The following ZNF514 variants were observed in gnomAD, a reference collection of about 807,000 sequenced individuals.
The protein encoded by ZNF514 is zinc finger protein 514.
Under a neutral mutation model 9.7 loss-of-function variants are expected in ZNF514, and 12 were observed. That is an observed-to-expected ratio of 1.24 (90% CI 0.79 to 2.01). The LOEUF (loss-of-function observed/expected upper bound fraction) is 2.01, where lower values mean the gene tolerates loss of function less well. ZNF514 is among the 30% of genes most tolerant of loss of function. The pLI, the probability that ZNF514 is intolerant of heterozygous loss-of-function variation, is 0.00. For missense variants in ZNF514, 467 were observed against 465.5 expected (o/e 1.00, Z -0.03); for synonymous variants, 158 against 163.7 (o/e 0.97, Z 0.27).
At chr2:95,156,381 G>A (rs575666375) in intron 2 of ZNF514, among the ~76,000 whole-genome samples, 11 of 152,204 alleles carry the variant, frequency 7.2e-5, no homozygotes, top group South Asian at 2.1e-4. Flanking sequence ...AACTGCCAGC[G>A]GACTCTAACA....
At chr2:95,152,851 T>C in intron 3 of ZNF514, 82 bp from the exon 4 acceptor site, 4 of 1,305,816 alleles carry the variant, frequency 3.1e-6, no homozygotes, top group Non-Finnish European at 3.3e-6. Flanking sequence ...GGTGGAGAAA[T>C]ACTGTAGGCA....
Position 95,149,734 on chromosome 2 carries a change from G to C in ZNF514, c.751C>G (p.Gln251Glu), listed in dbSNP as rs368403844. The change falls in exon 5 of 5, where the codon CAA becomes GAA. Residue 251 changes from glutamine (Q) to glutamate (E), a missense_variant. Physicochemically the swap from Gln to Glu is conservative, Grantham distance 29. Coordinates refer to ENST00000295208, the MANE Select transcript of ZNF514 (RefSeq NM_032788.3). ...GGCTTTTCTCCAGTATGAGTTCTTTGATGTTTAATAAGGGATGAAATATGA... is the reference window on the plus strand; with the variant it reads ...GGCTTTTCTCCAGTATGAGTTCTTTCATGTTTAATAAGGGATGAAATATGA... The part of the protein sequence containing the change: ...FGHISSLIKH[Q>E]RTHTGEKPYE... 2 of 1,614,098 alleles carry C rather than the reference G, an allele frequency of 1.2e-6. No individual in the cohort carries two copies. Among genetic ancestry groups the C allele is most frequent in the African/African-American group, 2.7e-5 (2 of 74,928 alleles).
At chr2:95,151,793 T>C (rs1673552608) in intron 4 of ZNF514, among the ~76,000 whole-genome samples, 1 of 152,198 alleles carries the variant, frequency 6.6e-6, no homozygotes, top group South Asian at 2.1e-4. Flanking sequence ...GCCATGCTCA[T>C]ATACCACTGT....
At chr2:95,140,779 A>AGGT (rs1676815518), downstream of ZNF514, among the ~76,000 whole-genome samples, 2 of 151,990 alleles carry the variant, frequency 1.3e-5, no homozygotes, top group Non-Finnish European at 2.9e-5. Context: ...TTAAGAGACC[A>AGGT]GCCTGGCCAA....
rs1237399159 is a variant in ZNF514, at chr2:95,153,222, C to T, written c.32G>A (p.Ser11Asn). 5 of 1,613,954 alleles carry T rather than the reference C, an allele frequency of 3.1e-6. No homozygotes were observed. In the African/African-American group the frequency reaches 6.7e-5, roughly 22 times the overall value. Residue 11 changes from serine to asparagine, a missense_variant, in exon 3 of 5, where the codon AGC (serine) becomes AAC (asparagine). By Grantham distance (46) the Ser-to-Asn change is conservative. Transcript: ENST00000295208. Reference sequence around the variant, plus strand: ...GTTCAGCTGCCCCCACTCCCACTGGCTGAATTCCACAGCCACATCTTCAAA... The same window carrying T: ...GTTCAGCTGCCCCCACTCCCACTGGTTGAATTCCACAGCCACATCTTCAAA... MTFEDVAVEF[S>N]QWEWGQLNPA...
the ZNF514 span, among the ~76,000 whole-genome samples, chr2:95,139,340 C>T: frequency 3.7e-4 from 57 of 152,232 alleles, no homozygotes; most frequent in Non-Finnish European, 7.2e-4. Flanking sequence ...CCACCAGCAG[C>T]TTGCAATCTC....
At chr2:95,133,489 G>C in the ZNF514 span, among the ~76,000 whole-genome samples, 1 of 152,168 alleles carries the variant, frequency 6.6e-6, no homozygotes, top group African/African-American at 2.4e-5. Context: ...AAGTGGTGTG[G>C]CTATTCAAGG....
Position 95,149,318 on chromosome 2 carries a change from T to C in ZNF514, c.1167A>G (p.Lys389=). 1 of 1,594,662 alleles carries C rather than the reference T, an allele frequency of 6.3e-7. No individual in the cohort carries two copies. The highest frequency in any genetic ancestry group is 1.3e-5 in the African/African-American group (1 of 74,088). ...TTTTTCCAGCATGACTTCTCTGATG[T>C]TTAATAAGGGATGCAGTATGAGCAA... ...RAFAHTASLI[K]HQRSHAGKKT... The change falls in exon 5 of 5, where the codon AAA becomes AAG. Residue 389 remains lysine (K), a synonymous_variant. Coordinates refer to ENST00000295208, the MANE Select transcript of ZNF514 (RefSeq NM_032788.3).
rs1015459895 is a variant in ZNF514 at position 95,149,806 on chromosome 2, T to G, written c.679A>C (p.Thr227Pro). 1.2e-6 allele frequency: 2 copies of G among 1,614,128 alleles called. No individual in the cohort carries two copies. The highest frequency in any genetic ancestry group is 2.7e-5 in the African/African-American group (2 of 74,946). Residue 227 changes from threonine (T) to proline (P), a missense_variant, in exon 5 of 5, where the codon ACT becomes CCT. Physicochemically the swap from Thr to Pro is conservative, Grantham distance 38. Transcript: ENST00000295208. ...CTGCATTCATACGGCTTTTCTCCAG[T>G]GTGACATCGCTGATGGCGCCTAAGT... ...SELRRHQRCH[T>P]GEKPYECSDC...
chr2:95,135,846 T>C, the ZNF514 span, among the ~76,000 whole-genome samples: 1 of 151,682 alleles, frequency 6.6e-6, no homozygotes, highest in African/African-American at 2.4e-5. Flanking sequence ...CTGAGGCAGG[T>C]GGATCACAAG....
chr2:95,135,413 CTTTCTTTTTT>C, the ZNF514 span, among the ~76,000 whole-genome samples: 2 of 147,762 alleles, frequency 1.4e-5, no homozygotes, highest in Admixed American at 6.7e-5. Context: ...TTCCTTCGTT[CTTTCTTTTTT>C]TTTTTTTCTC....
intron 3 of ZNF514, 56 bp from the exon 4 acceptor site, chr2:95,152,825 G>T: frequency 6.9e-7 from 1 of 1,455,160 alleles, no homozygotes; most frequent in South Asian, 1.1e-5. Context: ...CCAAGTCTTT[G>T]GATATTCATC....
the ZNF514 span, among the ~76,000 whole-genome samples, chr2:95,135,817 A>G: frequency 6.6e-6 from 1 of 151,980 alleles, no homozygotes; most frequent in African/African-American, 2.4e-5. Context: ...CATGCCTGTA[A>G]TCCCAGCACT....
the ZNF514 span, among the ~76,000 whole-genome samples, chr2:95,126,551 C>T: frequency 6.6e-6 from 1 of 151,838 alleles, no homozygotes; most frequent in Non-Finnish European, 1.5e-5. Flanking sequence ...TTTTTAGCTG[C>T]TCTCATAGGT....
chr2:95,131,378 G>A, the ZNF514 span, among the ~76,000 whole-genome samples: 6 of 152,238 alleles, frequency 3.9e-5, no homozygotes, highest in East Asian at 3.9e-4. Flanking sequence ...CAAACAAACC[G>A]GTACCTCCTC....
intron 2 of ZNF514, among the ~76,000 whole-genome samples, chr2:95,156,633 T>C (rs189019834): frequency 1.4e-3 from 213 of 152,324 alleles, no homozygotes; most frequent in African/African-American, 4.8e-3. Context: ...AGAGAATAGT[T>C]CCTGATACAG....
In ZNF514 at chr2:95,149,624, G is replaced by A. The variant is rs777796139; in HGVS notation, c.861C>T (p.Pro287=). 3 of 1,613,732 alleles carry A rather than the reference G, an allele frequency of 1.9e-6. No homozygotes were observed. The Admixed American group carries it at 5.0e-5, about 27-fold the overall frequency. The part of the protein sequence containing the change: ...LHYRFHTGEK[P]YKCNECGRAF... ...CTCGTCCACATTCATTACATTTGTA[G>A]GGTTTCTCTCCAGTGTGAAATCTAT... Residue 287 remains proline (P), a synonymous_variant, in exon 5 of 5, where the codon CCC becomes CCT. Coordinates refer to ENST00000295208, the MANE Select transcript of ZNF514 (RefSeq NM_032788.3).
chr2:95,157,475 C>A (rs923475093), intron 1 of ZNF514, 36 bp from the exon 2 acceptor site: 1 of 1,211,272 alleles, frequency 8.3e-7, no homozygotes, highest in East Asian at 5.7e-5. Flanking sequence ...GGAAGCTGAC[C>A]CAGCCAGCAC....
the ZNF514 span, among the ~76,000 whole-genome samples, chr2:95,134,145 G>A: frequency 6.6e-6 from 1 of 151,934 alleles, no homozygotes; most frequent in African/African-American, 2.4e-5. Context: ...TTTTTTTATT[G>A]GGAGTTGATA....
Sources: allele counts gnomAD v4.1 joint callset (sites outside exome capture counted in the v4.1 genomes callset), GRCh38; gene constraint gnomAD v4.1.1; transcripts MANE v1.5; gene names NCBI Gene and HGNC (gene_info 2026-07-23, HGNC 2026-07-21).